Variants in PGM2L1 observed in about 807,000 individuals in gnomAD.
PGM2L1 encodes the protein glucose 1,6-bisphosphate synthase.
Under a neutral mutation model 73.4 loss-of-function variants are expected in PGM2L1, and 35 were observed. The observed-to-expected ratio is 0.48, with a 90% CI of 0.36 to 0.63. The LOEUF (loss-of-function observed/expected upper bound fraction) is 0.63. PGM2L1 is among the 30% of genes least tolerant of loss of function. PGM2L1 has a pLI of 0.00. For missense variants in PGM2L1, 570 were observed against 742.0 expected, an observed-to-expected ratio of 0.77 and a Z score of 2.69; for synonymous variants, 225 against 253.8, an observed-to-expected ratio of 0.89 and a Z score of 1.08.
At chr11:74,387,911 A>C (rs1863039710) in intron 1 of PGM2L1, among the ~76,000 whole-genome samples, 1 of 152,214 alleles carries the variant, frequency 6.6e-6, no homozygotes, top group Admixed American at 6.5e-5. Context: ...TGCCGCTTAC[A>C]GCTTGTAATA....
intron 5 of PGM2L1, among the ~76,000 whole-genome samples, chr11:74,366,556 A>C (rs1247278235): frequency 6.6e-6 from 1 of 151,968 alleles, no homozygotes; most frequent in Non-Finnish European, 1.5e-5. Context: ...TAAGGTAGCC[A>C]GGGAAGATCC....
intron 4 of PGM2L1, among the ~76,000 whole-genome samples, chr11:74,368,892 C>A (rs1021682398): frequency 6.6e-6 from 1 of 152,080 alleles, no homozygotes; most frequent in South Asian, 2.1e-4. Context: ...TTAGTTATAT[C>A]CCATAATTTT....
rs537002878 is a variant in PGM2L1, at chr11:74,347,043, C to T, written c.939+105G>A. The T allele has an allele frequency of 5.6e-4, 592 of 1,066,560 alleles. 1 individual carries two copies. Among genetic ancestry groups the T allele is most frequent in the Admixed American group, 2.3e-3 (78 of 34,462 alleles). The allele number at this position is 1,066,560 out of a possible 1,614,324, so 66.1% of individuals were successfully genotyped here. On this transcript the variant is annotated intron_variant, in intron 7 of 13. Transcript: ENST00000298198. ...CTCCAATACAATTAAAAGATGTAAA[C>T]TACAGTCCTTTCTGCTTTTGTAAGT...
chr11:74,373,433 T>C (rs1862806187), intron 2 of PGM2L1, among the ~76,000 whole-genome samples: 1 of 152,224 alleles, frequency 6.6e-6, no homozygotes, highest in Non-Finnish European at 1.5e-5. Context: ...ATTTACTGTT[T>C]GGGAGTATCA....
chr11:74,380,845 ACAT>A (rs1360282822), intron 1 of PGM2L1, among the ~76,000 whole-genome samples: 1 of 152,184 alleles, frequency 6.6e-6, no homozygotes, highest in Non-Finnish European at 1.5e-5. Context: ...CTATTCTGAC[ACAT>A]CATACTTTTC....
chr11:74,334,658 A>G lies in PGM2L1; in HGVS notation c.*1994T>C, dbSNP rs1487310674. On this transcript the variant is annotated 3_prime_UTR_variant, in exon 14 of 14. Transcript: ENST00000298198. ...ATTAGGTTTGGATTATATGAGCTCAACCAAATGTTAGCTGACAGCTGCAAC... is the reference window on the plus strand; with the variant it reads ...ATTAGGTTTGGATTATATGAGCTCAGCCAAATGTTAGCTGACAGCTGCAAC... The G allele has an allele frequency of 1.3e-5, 2 of 152,220 alleles. No individual in the cohort carries two copies. Among genetic ancestry groups the G allele is most frequent in the Non-Finnish European group, 2.9e-5 (2 of 68,040 alleles). The allele number at this position is 152,220 out of a possible 1,614,324, so 9.4% of individuals were successfully genotyped here.
chr11:74,382,714 G>A (rs1164332826), intron 1 of PGM2L1, among the ~76,000 whole-genome samples: 1 of 151,948 alleles, frequency 6.6e-6, no homozygotes, highest in Non-Finnish European at 1.5e-5. Context: ...GCCTAGGCTG[G>A]GCTTGAACTC....
chr11:74,352,202 C>T (rs1339710307), intron 5 of PGM2L1, among the ~76,000 whole-genome samples: 5 of 151,828 alleles, frequency 3.3e-5, no homozygotes, highest in African/African-American at 9.7e-5. Flanking sequence ...TATGCATATG[C>T]CATAGTATCC....
chr11:74,363,342 G>C (rs1032351989), intron 5 of PGM2L1, among the ~76,000 whole-genome samples: 3 of 151,994 alleles, frequency 2.0e-5, no homozygotes, highest in Non-Finnish European at 4.4e-5. Flanking sequence ...AGAGAAGCAA[G>C]AGCAAACACA....
At chr11:74,372,402 G>A (rs1206711902) in intron 2 of PGM2L1, among the ~76,000 whole-genome samples, 1 of 152,128 alleles carries the variant, frequency 6.6e-6, no homozygotes, top group Non-Finnish European at 1.5e-5. Context: ...TGCAGTCATG[G>A]ATGACAAAAT....
intron 13 of PGM2L1, 84 bp downstream of exon 13, chr11:74,338,384 A>G (rs1483445067): frequency 1.1e-5 from 14 of 1,266,180 alleles, no homozygotes; most frequent in Non-Finnish European, 1.5e-5. Context: ...TGAATTGTAC[A>G]TTTTAAGTGC....
chr11:74,355,764 C>A, intron 5 of PGM2L1: 1 of 471,040 alleles, frequency 2.1e-6, no homozygotes, highest in South Asian at 1.5e-5. Flanking sequence ...AGAGGAGAGC[C>A]AGAGAAGTGA....
chr11:74,349,467 A>G (rs1033006432), intron 6 of PGM2L1, among the ~76,000 whole-genome samples: 10 of 152,144 alleles, frequency 6.6e-5, no homozygotes, highest in Non-Finnish European at 1.2e-4. Flanking sequence ...TTTTGATATG[A>G]CCCCAGTATC....
chr11:74,383,661 T>C (rs765544730), intron 1 of PGM2L1, among the ~76,000 whole-genome samples: 4 of 151,838 alleles, frequency 2.6e-5, no homozygotes, highest in Non-Finnish European at 4.4e-5. Flanking sequence ...TGTGTTCTCA[T>C]TGTTCAGCTC....
rs1358690126 is a variant in PGM2L1, at chr11:74,331,265, T to C, written c.*5387A>G. 8.2e-6 allele frequency: 1 copy of C among 121,560 alleles called. No homozygotes were observed. Among genetic ancestry groups the C allele is most frequent in the Non-Finnish European group, 1.6e-5 (1 of 60,610 alleles). 7.5% of individuals were successfully genotyped at this position (121,560 alleles called of 1,614,324 possible). On this transcript the variant is annotated 3_prime_UTR_variant, in exon 14 of 14. Coordinates refer to ENST00000298198, the MANE Select transcript of PGM2L1 (RefSeq NM_173582.6). ...GGATATGTTCTATGTTTATATATCTTTTTTTTTTTTTTTTGAGATGGAGTT... is the reference window on the plus strand; with the variant it reads ...GGATATGTTCTATGTTTATATATCTCTTTTTTTTTTTTTTGAGATGGAGTT...
At chr11:74,387,872 C>T (rs1231316850) in intron 1 of PGM2L1, among the ~76,000 whole-genome samples, 2 of 152,180 alleles carry the variant, frequency 1.3e-5, no homozygotes, top group Admixed American at 6.5e-5. Flanking sequence ...TTGACCATTA[C>T]TTTCATTCCC....
At chr11:74,342,732 T>A (rs1862202180) in intron 11 of PGM2L1, 82 bp from the exon 12 acceptor site, 2 of 1,380,442 alleles carry the variant, frequency 1.4e-6, no homozygotes, top group Non-Finnish European at 2.0e-6. Flanking sequence ...CAGCCTACTA[T>A]GGTATTTTAT....
intron 1 of PGM2L1, among the ~76,000 whole-genome samples, chr11:74,392,885 T>G (rs1246875467): frequency 1.3e-5 from 2 of 152,224 alleles, no homozygotes; most frequent in Non-Finnish European, 2.9e-5. Flanking sequence ...TTAGTTTATG[T>G]TGTCACTAAC....
At chr11:74,348,958 T>C (rs1345364592) in intron 6 of PGM2L1, among the ~76,000 whole-genome samples, 1 of 152,200 alleles carries the variant, frequency 6.6e-6, no homozygotes, top group Non-Finnish European at 1.5e-5. Flanking sequence ...TTTAATGCTG[T>C]CAAACTAAGA....
Sources: gnomAD v4.1 joint callset for allele counts (sites outside exome capture counted in the v4.1 genomes callset) on GRCh38, gnomAD v4.1.1 for gene constraint, MANE v1.5 for transcripts, NCBI Gene and HGNC (gene_info 2026-07-23, HGNC 2026-07-21) for gene names.